Variants in DYRK1A observed in about 807,000 individuals in gnomAD.
The protein encoded by DYRK1A is dual specificity tyrosine phosphorylation regulated kinase 1A, also known as dual specificity tyrosine-phosphorylation-regulated kinase 1A.
In DYRK1A, 9 loss-of-function variants were observed where a neutral mutation model predicts 79.7. The observed-to-expected ratio is 0.11, with a 90% CI of 0.07 to 0.20. The LOEUF (loss-of-function observed/expected upper bound fraction) is 0.20. Ranked by LOEUF, DYRK1A falls within the 10% of genes least tolerant of loss-of-function variation. The probability of loss-of-function intolerance (pLI) is 1.00; values close to 1 mark genes in which losing one functional copy is unlikely to be tolerated. For synonymous variants in DYRK1A, 349 were observed against 329.7 expected (o/e 1.06, Z -0.63); for missense variants, 622 against 956.0 (o/e 0.65, Z 4.61).
chr21:37,457,965 T>A (rs1039018112), intron 2 of DYRK1A, among the ~76,000 whole-genome samples: 2 of 152,224 alleles, frequency 1.3e-5, no homozygotes, highest in Non-Finnish European at 2.9e-5. Context: ...CAGACACTTC[T>A]TAAAATGGCT....
chr21:37,478,151 T>TA (rs777181350), intron 3 of DYRK1A, 57 bp from the exon 4 acceptor site: 14 of 1,606,972 alleles, frequency 8.7e-6, no homozygotes, highest in Non-Finnish European at 1.1e-5. Flanking sequence ...ATCTTATAGT[T>TA]AAAGTGCTAG....
intron 1 of DYRK1A, among the ~76,000 whole-genome samples, chr21:37,416,655 CTG>C (rs1459908113): frequency 5.3e-5 from 8 of 152,016 alleles, no homozygotes; most frequent in East Asian, 1.9e-4. Context: ...TGTTAGTTAA[CTG>C]TATAAATTTT....
In DYRK1A at chr21:37,525,151, T is replaced by A. The variant is rs2053959935; in HGVS notation, c.*12620T>A. ...CAGTACACCCTGAAGTGGAATCTGC[T>A]AAGATGTGTTATGACTGTTGGTAGT... On this transcript the variant is annotated 3_prime_UTR_variant, in exon 12 of 12. Coordinates refer to ENST00000647188, the MANE Select transcript of DYRK1A (RefSeq NM_001347721.2). 1 of 152,232 alleles carries A rather than the reference T, an allele frequency of 6.6e-6. No homozygotes were observed. The highest frequency in any genetic ancestry group is 6.5e-5 in the Admixed American group (1 of 15,280). 9.4% of individuals were successfully genotyped at this position (152,232 alleles called of 1,614,324 possible).
In DYRK1A at chr21:37,400,143, TACTTG is replaced by T. The variant is rs369171535; in HGVS notation, c.-76-20150_-76-20146del. Among the ~76,000 whole-genome samples, 73 of 152,296 alleles carry T rather than the reference TACTTG, an allele frequency of 4.8e-4. 2 individuals carry two copies. Among genetic ancestry groups the T allele is most frequent in the African/African-American group, 1.6e-3 (66 of 41,576 alleles). ...CTTCTTGACTTGTGGATGCCAGCAT[TACTTG>T]ACTTGTGGCCACATTACCTCAATCT... On this transcript the variant is annotated intron_variant, in intron 1 of 11. Coordinates refer to ENST00000647188, the MANE Select transcript of DYRK1A (RefSeq NM_001347721.2).
chr21:37,460,532 G>A (rs2051805383), intron 2 of DYRK1A, among the ~76,000 whole-genome samples: 1 of 152,258 alleles, frequency 6.6e-6, no homozygotes, highest in South Asian at 2.1e-4. Flanking sequence ...GGTTGGACTT[G>A]TCTAAAAAGG....
chr21:37,390,395 C>G (rs576823711), intron 1 of DYRK1A, among the ~76,000 whole-genome samples: 1 of 152,280 alleles, frequency 6.6e-6, no homozygotes, highest in South Asian at 2.1e-4. Flanking sequence ...TTCCTACAAA[C>G]AAGGGCATTC....
At chr21:37,400,838 TG>T (rs1034549595) in intron 1 of DYRK1A, among the ~76,000 whole-genome samples, 4 of 152,096 alleles carry the variant, frequency 2.6e-5, no homozygotes, top group African/African-American at 9.7e-5. Context: ...TAAAGTTGCT[TG>T]GTTAAATCAA....
chr21:37,412,815 C>T (rs2050268811), intron 1 of DYRK1A, among the ~76,000 whole-genome samples: 1 of 152,050 alleles, frequency 6.6e-6, no homozygotes, highest in South Asian at 2.1e-4. Flanking sequence ...GAGTTGTAGG[C>T]ATAGAGAATG....
chr21:37,459,986 A>G (rs2051784490), intron 2 of DYRK1A, among the ~76,000 whole-genome samples: 1 of 152,216 alleles, frequency 6.6e-6, no homozygotes, highest in South Asian at 2.1e-4. Flanking sequence ...TCCTGCAGCC[A>G]TAGTCATGAA....
intron 2 of DYRK1A, among the ~76,000 whole-genome samples, chr21:37,452,713 C>T (rs369236226): frequency 4.0e-5 from 6 of 149,084 alleles, no homozygotes; most frequent in South Asian, 4.2e-4. Context: ...CTTTTCCCTG[C>T]GCTCTTTTCT....
chr21:37,464,586 A>T (rs962223086), intron 2 of DYRK1A, among the ~76,000 whole-genome samples: 1 of 152,234 alleles, frequency 6.6e-6, no homozygotes, highest in Non-Finnish European at 1.5e-5. Context: ...TGTTAAGTTC[A>T]TCATTAAATT....
At chr21:37,448,814 A>G (rs899406190) in intron 2 of DYRK1A, among the ~76,000 whole-genome samples, 87 of 152,272 alleles carry the variant, frequency 5.7e-4, no homozygotes, top group African/African-American at 2.0e-3. Context: ...CTCCCATCTC[A>G]GCCTCCTAAG....
In DYRK1A at chr21:37,367,542, TGCGGAGGCCGCG is replaced by T. The variant is rs1375968855; in HGVS notation, c.-158_-147del. The T allele has an allele frequency of 6.9e-6, 1 of 145,366 alleles. No individual in the cohort carries two copies. The highest frequency in any genetic ancestry group is 1.5e-5 in the Non-Finnish European group (1 of 65,852). The allele number at this position is 145,366 out of a possible 1,614,324, so 9.0% of individuals were successfully genotyped here. ...GAGAGGCTGCCGGGGCGGCGCTGGCTGCGGAGGCCGCGGCGGGAGCGCGGCGCGGGAGCCCGA... is the reference window on the plus strand; with the variant it reads ...GAGAGGCTGCCGGGGCGGCGCTGGCTGCGGGAGCGCGGCGCGGGAGCCCGA... On this transcript the variant is annotated 5_prime_UTR_variant, in exon 1 of 12. Transcript: ENST00000647188.
chr21:37,447,067 T>C (rs1161427996), intron 2 of DYRK1A, among the ~76,000 whole-genome samples: 1 of 152,196 alleles, frequency 6.6e-6, no homozygotes, highest in East Asian at 1.9e-4. Context: ...AGGCAGAGCT[T>C]TATGTGTAAT....
chr21:37,431,502 C>T (rs1018089669), intron 2 of DYRK1A, among the ~76,000 whole-genome samples: 2 of 152,096 alleles, frequency 1.3e-5, no homozygotes, highest in Admixed American at 6.6e-5. Context: ...GGGTTTCGAC[C>T]GGGTGTTTGG....
chr21:37,519,795 G>C lies in DYRK1A; in HGVS notation c.*7264G>C, dbSNP rs1202542698. On this transcript the variant is annotated 3_prime_UTR_variant, in exon 12 of 12. Coordinates refer to ENST00000647188, the MANE Select transcript of DYRK1A (RefSeq NM_001347721.2). ...CTCGCTCTGTCGCCCAGGCTGGAGTGCAGTGGCGCGATCTCGGCTCACTGC... is the reference window on the plus strand; with the variant it reads ...CTCGCTCTGTCGCCCAGGCTGGAGTCCAGTGGCGCGATCTCGGCTCACTGC... 4.1e-5 allele frequency: 5 copies of C among 123,032 alleles called. No homozygotes were observed. Among genetic ancestry groups the C allele is most frequent in the African/African-American group, 6.2e-5 (2 of 32,442 alleles). The allele number at this position is 123,032 out of a possible 1,614,324, so 7.6% of individuals were successfully genotyped here. A position where few individuals can be genotyped will look rare whatever the true frequency, so the allele number is the denominator to read the frequency against.
At chr21:37,497,418 A>G (rs1444842396) in intron 9 of DYRK1A, among the ~76,000 whole-genome samples, 1 of 152,058 alleles carries the variant, frequency 6.6e-6, no homozygotes, top group South Asian at 2.1e-4. Context: ...TGCCATCGAG[A>G]CCTCCTGGGC....
intron 1 of DYRK1A, chr21:37,410,640 A>C (rs929250975): frequency 1.3e-5 from 2 of 152,218 alleles, no homozygotes; most frequent in African/African-American, 4.8e-5. Flanking sequence ...CAGTCTTCCC[A>C]CCTCAGCCTC....
rs2053917643 is a variant in DYRK1A at position 37,519,739 on chromosome 21, T to TTTTTTGTTTTTTTTTTG, written c.*7213_*7214insGTTTTTTTTTTGTTTTT. ...GTTTTGAGGTTTGTTGTGGGAAGTT[T>TTTTTTGTTTTTTTTTTG]TTTTTTTTTTTTTTTTTTTTGAGGC... is the stretch of plus-strand genomic sequence containing the variant. On this transcript the variant is annotated 3_prime_UTR_variant, in exon 12 of 12. Coordinates refer to ENST00000647188, the MANE Select transcript of DYRK1A (RefSeq NM_001347721.2). The TTTTTTGTTTTTTTTTTG allele has an allele frequency of 1.3e-5, 1 of 79,852 alleles. No individual in the cohort carries two copies. The highest frequency in any genetic ancestry group is 5.8e-5 in the African/African-American group (1 of 17,288). 4.9% of individuals were successfully genotyped at this position (79,852 alleles called of 1,614,324 possible).
Sources: allele counts gnomAD v4.1 joint callset (sites outside exome capture counted in the v4.1 genomes callset), GRCh38; gene constraint gnomAD v4.1.1; transcripts MANE v1.5; gene names NCBI Gene and HGNC (gene_info 2026-07-23, HGNC 2026-07-21).